Variants in THRB observed in about 807,000 individuals in gnomAD.
THRB encodes the protein thyroid hormone receptor beta.
THRB carries 12 observed loss-of-function variants against 47.8 expected under a neutral mutation model. The observed-to-expected ratio is 0.25, with a 90% CI of 0.16 to 0.41. The LOEUF (loss-of-function observed/expected upper bound fraction) is 0.41. THRB is among the 10% of genes least tolerant of loss of function. The pLI is 1.00. For synonymous variants in THRB, 218 were observed against 212.2 expected, an observed-to-expected ratio of 1.03 and a Z score of -0.24; for missense variants, 348 against 589.2, an observed-to-expected ratio of 0.59 and a Z score of 4.24.
intron 3 of THRB, among the ~76,000 whole-genome samples, chr3:24,268,188 A>C (rs2052858915): frequency 6.6e-6 from 1 of 152,162 alleles, no homozygotes; most frequent in Non-Finnish European, 1.5e-5. Flanking sequence ...AAATTAAGGC[A>C]CCCCTCAGTG....
intron 3 of THRB, among the ~76,000 whole-genome samples, chr3:24,241,921 G>A (rs919211962): frequency 1.3e-5 from 2 of 152,052 alleles, no homozygotes; most frequent in African/African-American, 4.8e-5. Flanking sequence ...CCTGCCCATC[G>A]CCACAAATTA....
intron 1 of THRB, among the ~76,000 whole-genome samples, chr3:24,470,213 CTCTT>C (rs2074459317): frequency 6.6e-6 from 1 of 152,192 alleles, no homozygotes; most frequent in Non-Finnish European, 1.5e-5. Context: ...TACGAATACT[CTCTT>C]TGACTATTCT....
At chr3:24,147,988 T>C (rs938235605) in intron 6 of THRB, among the ~76,000 whole-genome samples, 5 of 152,146 alleles carry the variant, frequency 3.3e-5, no homozygotes, top group Admixed American at 2.6e-4. Flanking sequence ...ATATGATGTA[T>C]AATGAAGTAA....
intron 5 of THRB, among the ~76,000 whole-genome samples, chr3:24,182,726 G>A (rs2042062317): frequency 6.6e-6 from 1 of 152,146 alleles, no homozygotes; most frequent in South Asian, 2.1e-4. Context: ...AGAAAACTGA[G>A]GCTCAAACAA....
chr3:24,198,127 T>A (rs1290353389), intron 4 of THRB, among the ~76,000 whole-genome samples: 1 of 152,202 alleles, frequency 6.6e-6, no homozygotes, highest in Admixed American at 6.5e-5. Context: ...AGCCTGAAGC[T>A]GCAGTGCCTG....
At chr3:24,453,347 G>A (rs989591603) in intron 1 of THRB, among the ~76,000 whole-genome samples, 1 of 152,088 alleles carries the variant, frequency 6.6e-6, no homozygotes, top group Admixed American at 6.5e-5. Flanking sequence ...AAATTAATTT[G>A]CCCAAGGTCA....
chr3:24,289,667 A>G (rs2055719616), intron 3 of THRB, among the ~76,000 whole-genome samples: 1 of 152,234 alleles, frequency 6.6e-6, no homozygotes, highest in African/African-American at 2.4e-5. Context: ...AATTATTTCG[A>G]GGAGTCTGTT....
intron 3 of THRB, among the ~76,000 whole-genome samples, chr3:24,238,776 C>T (rs1490457013): frequency 6.6e-6 from 1 of 152,074 alleles, no homozygotes; most frequent in African/African-American, 2.4e-5. Flanking sequence ...ATGAAGACTG[C>T]TGTGCTCCTG....
intron 4 of THRB, among the ~76,000 whole-genome samples, chr3:24,198,507 CA>C (rs1206672462): frequency 9.6e-5 from 12 of 124,572 alleles, no homozygotes; most frequent in Non-Finnish European, 1.6e-4. Context: ...ACCAAATCCA[CA>C]ATTCTCAACT....
At chr3:24,470,513 T>C (rs2074482758) in intron 1 of THRB, among the ~76,000 whole-genome samples, 1 of 152,242 alleles carries the variant, frequency 6.6e-6, no homozygotes, top group African/African-American at 2.4e-5. Context: ...ATACGTAAAG[T>C]ACTTGGAACG....
chr3:24,373,547 C>G (rs374848319), intron 1 of THRB, among the ~76,000 whole-genome samples: 30 of 152,164 alleles, frequency 2.0e-4, no homozygotes, highest in African/African-American at 7.0e-4. Flanking sequence ...CTATCATAGG[C>G]CACACAGACC....
At chr3:24,184,417 G>A (rs181687231) in intron 5 of THRB, among the ~76,000 whole-genome samples, 221 of 152,314 alleles carry the variant, frequency 1.5e-3, no homozygotes, top group Middle Eastern at 6.8e-3. Flanking sequence ...AAAGCGTGGG[G>A]TGGTCCATCC....
chr3:24,405,156 T>C (rs2067718846), intron 1 of THRB, among the ~76,000 whole-genome samples: 2 of 151,998 alleles, frequency 1.3e-5, no homozygotes, highest in South Asian at 4.1e-4. Flanking sequence ...ATATATTTGT[T>C]GAGCATCCTG....
intron 1 of THRB, among the ~76,000 whole-genome samples, chr3:24,342,820 G>C (rs929002287): frequency 6.6e-6 from 1 of 152,170 alleles, no homozygotes; most frequent in African/African-American, 2.4e-5. Flanking sequence ...GTGGAAATGA[G>C]GGAAAGAATG....
chr3:24,399,760 TG>T (rs774476377), intron 1 of THRB, among the ~76,000 whole-genome samples: 5 of 152,118 alleles, frequency 3.3e-5, no homozygotes, highest in Non-Finnish European at 5.9e-5. Flanking sequence ...TTAAATGACT[TG>T]TCTAAGGTCA....
intron 3 of THRB, among the ~76,000 whole-genome samples, chr3:24,247,613 C>A (rs1034529556): frequency 2.0e-5 from 3 of 152,174 alleles, no homozygotes; most frequent in African/African-American, 7.2e-5. Context: ...CCTTTTTACA[C>A]TGTATTTTTT....
rs1044977985 is a variant in THRB, at chr3:24,243,407, G to A, written c.-42-14406C>T. 5.3e-5 allele frequency among the ~76,000 whole-genome samples: 8 copies of A among 152,070 alleles called. No homozygotes were observed. In the East Asian group the frequency reaches 5.8e-4, roughly 11 times the overall value. Reference sequence around the variant, plus strand: ...CTCTGTCTCTCCTCTCCCAGTTTCAGCTTCACCAACTCCTTCCTCTTCCTC... The same window carrying A: ...CTCTGTCTCTCCTCTCCCAGTTTCAACTTCACCAACTCCTTCCTCTTCCTC... On this transcript the variant is annotated intron_variant, in intron 3 of 10. Transcript: ENST00000646209.
At chr3:24,187,390 G>A (rs1575699779) in intron 5 of THRB, among the ~76,000 whole-genome samples, 1 of 152,310 alleles carries the variant, frequency 6.6e-6, no homozygotes, top group South Asian at 2.1e-4. Context: ...GACTGATCTG[G>A]CAGATGGGCT....
At chr3:24,229,086 T>A in intron 3 of THRB, 85 bp from the exon 4 acceptor site, 1 of 834,850 alleles carries the variant, frequency 1.2e-6, no homozygotes, top group Non-Finnish European at 2.0e-6. Flanking sequence ...TCATATGCAT[T>A]AATTACCTTG....
Sources: allele counts gnomAD v4.1 joint callset (sites outside exome capture counted in the v4.1 genomes callset), GRCh38; gene constraint gnomAD v4.1.1; transcripts MANE v1.5; gene names NCBI Gene and HGNC (gene_info 2026-07-23, HGNC 2026-07-21).